The following ADAMTS19 variants were observed in gnomAD, a reference collection of about 807,000 sequenced individuals.
The protein encoded by ADAMTS19 is A disintegrin and metalloproteinase with thrombospondin motifs 19.
Under a neutral mutation model 153.3 loss-of-function variants are expected in ADAMTS19, and 93 were observed. The ratio of observed to expected loss-of-function variants is 0.61; its 90% CI spans 0.51 to 0.72. The LOEUF is 0.72. ADAMTS19 is among the 30% of genes least tolerant of loss of function. The probability of loss-of-function intolerance (pLI) is 0.00; values close to 1 mark genes in which losing one functional copy is unlikely to be tolerated. For synonymous variants in ADAMTS19, 600 were observed against 556.6 expected (o/e 1.08, Z -1.10); for missense variants, 1,482 against 1,552.1 (o/e 0.95, Z 0.76).
intron 15 of ADAMTS19, among the ~76,000 whole-genome samples, chr5:129,663,430 T>G (rs1397051488): frequency 2.0e-5 from 3 of 152,232 alleles, no homozygotes; most frequent in Non-Finnish European, 4.4e-5. Context: ...TACCATTTTG[T>G]TAGATACAAA....
intron 7 of ADAMTS19, among the ~76,000 whole-genome samples, chr5:129,588,654 C>A (rs1467591339): frequency 1.3e-5 from 2 of 151,348 alleles, no homozygotes; most frequent in African/African-American, 4.8e-5. Context: ...TATAATTATT[C>A]CTTTTATGCA....
At chr5:129,713,413 T>C (rs1756568783) in intron 21 of ADAMTS19, among the ~76,000 whole-genome samples, 2 of 152,102 alleles carry the variant, frequency 1.3e-5, no homozygotes, top group African/African-American at 4.8e-5. Flanking sequence ...ACAAGAAAAG[T>C]ATACAAATGA....
In ADAMTS19 at chr5:129,516,445, G is replaced by A. The variant is rs569754696; in HGVS notation, c.913+7203G>A. 5.3e-5 allele frequency among the ~76,000 whole-genome samples: 8 copies of A among 151,290 alleles called. No homozygotes were observed. The South Asian group carries it at 1.0e-3, about 20-fold the overall frequency. On this transcript the variant is annotated intron_variant, in intron 3 of 22. Transcript: ENST00000274487. ...CATAGGGTCCTGGACTTGACTTTACGGGAAGACATTTTATTATGGCTTCAA... is the reference window on the plus strand; with the variant it reads ...CATAGGGTCCTGGACTTGACTTTACAGGAAGACATTTTATTATGGCTTCAA...
intron 6 of ADAMTS19, among the ~76,000 whole-genome samples, chr5:129,535,195 TG>T (rs1454832395): frequency 2.6e-5 from 4 of 152,230 alleles, no homozygotes; most frequent in Admixed American, 2.6e-4. Context: ...CTCCTTAAGC[TG>T]ATAAGCAACT....
chr5:129,592,048 T>C (rs1259536435), intron 7 of ADAMTS19, among the ~76,000 whole-genome samples: 1 of 152,078 alleles, frequency 6.6e-6, no homozygotes, highest in African/African-American at 2.4e-5. Context: ...GAGAAGGCTG[T>C]TTTTGTTTGC....
intron 16 of ADAMTS19, among the ~76,000 whole-genome samples, chr5:129,670,716 T>C (rs1754264867): frequency 1.3e-5 from 2 of 152,164 alleles, no homozygotes; most frequent in African/African-American, 2.4e-5. Context: ...TTCCCCCTTT[T>C]AAACCAGGGT....
chr5:129,497,713 A>C (rs971939418), intron 2 of ADAMTS19, among the ~76,000 whole-genome samples: 2 of 152,054 alleles, frequency 1.3e-5, no homozygotes, highest in African/African-American at 4.8e-5. Flanking sequence ...CCATTAATGC[A>C]TTTGGATGAT....
chr5:129,669,508 C>T (rs1754202760), intron 16 of ADAMTS19, among the ~76,000 whole-genome samples: 2 of 151,922 alleles, frequency 1.3e-5, no homozygotes, highest in Non-Finnish European at 2.9e-5. Flanking sequence ...TTCTTTTGTT[C>T]CCTTAGTCAG....
intron 13 of ADAMTS19, 88 bp from the exon 14 acceptor site, chr5:129,654,218 T>C: frequency 2.4e-6 from 3 of 1,253,192 alleles, no homozygotes; most frequent in Non-Finnish European, 3.3e-6. Flanking sequence ...TATTTTTTAC[T>C]CAATAACGAT....
chr5:129,718,849 G>T (rs1049894518), intron 21 of ADAMTS19, among the ~76,000 whole-genome samples: 1 of 152,154 alleles, frequency 6.6e-6, no homozygotes, highest in Non-Finnish European at 1.5e-5. Flanking sequence ...AAAAACATTT[G>T]TGCTCTGCCA....
At chr5:129,587,713 A>G (rs1213078011) in intron 7 of ADAMTS19, among the ~76,000 whole-genome samples, 1 of 152,128 alleles carries the variant, frequency 6.6e-6, no homozygotes, top group Non-Finnish European at 1.5e-5. Context: ...TGGCTTCTCA[A>G]TTCTCCAGTT....
At chr5:129,593,560 T>C (rs1485912245) in intron 7 of ADAMTS19, among the ~76,000 whole-genome samples, 2 of 152,146 alleles carry the variant, frequency 1.3e-5, no homozygotes, top group East Asian at 3.9e-4. Context: ...TATTCTTTTC[T>C]CCAAATTATC....
intron 2 of ADAMTS19, among the ~76,000 whole-genome samples, chr5:129,503,799 G>A (rs1751182693): frequency 6.6e-6 from 1 of 152,052 alleles, no homozygotes; most frequent in Non-Finnish European, 1.5e-5. Flanking sequence ...TTGCACTCCA[G>A]CCTGGGTGAC....
At chr5:129,602,826 C>CTGTGTG (rs56060749) in intron 8 of ADAMTS19, among the ~76,000 whole-genome samples, 17,116 of 146,580 alleles carry the variant, frequency 0.12, 990 homozygotes, top group Middle Eastern at 0.16. Flanking sequence ...CTTATATTCT[C>CTGTGTG]TGTGTGTGTG....
At chr5:129,622,689 C>G (rs1205949737) in intron 10 of ADAMTS19, among the ~76,000 whole-genome samples, 6 of 151,976 alleles carry the variant, frequency 3.9e-5, no homozygotes, top group Admixed American at 3.9e-4. Flanking sequence ...GTTTCAGTAC[C>G]CACATCCTGT....
At chr5:129,589,513 T>G (rs907386798) in intron 7 of ADAMTS19, among the ~76,000 whole-genome samples, 31 of 152,050 alleles carry the variant, frequency 2.0e-4, no homozygotes, top group African/African-American at 7.5e-4. Context: ...TGAACAACTT[T>G]TATCACAGAT....
intron 2 of ADAMTS19, among the ~76,000 whole-genome samples, chr5:129,471,851 C>T (rs750932866): frequency 5.9e-5 from 9 of 152,178 alleles, no homozygotes; most frequent in Admixed American, 3.3e-4. Flanking sequence ...TCATGGCCTC[C>T]AGCCCCATCC....
chr5:129,647,319 G>A (rs1307043422), intron 11 of ADAMTS19, among the ~76,000 whole-genome samples: 7 of 150,982 alleles, frequency 4.6e-5, no homozygotes, highest in South Asian at 2.1e-4. Flanking sequence ...CATTTCATAC[G>A]AAAATTACTA....
At chr5:129,496,143 T>C (rs935691758) in intron 2 of ADAMTS19, among the ~76,000 whole-genome samples, 3 of 152,070 alleles carry the variant, frequency 2.0e-5, no homozygotes, top group African/African-American at 4.8e-5. Context: ...TTTCTTGGGT[T>C]TTATTTATGT....
Sources: gnomAD v4.1 joint callset for allele counts (sites outside exome capture counted in the v4.1 genomes callset) on GRCh38, gnomAD v4.1.1 for gene constraint, MANE v1.5 for transcripts, NCBI Gene and HGNC (gene_info 2026-07-23, HGNC 2026-07-21) for gene names.